The following FBXO31 variants were observed in gnomAD, a reference collection of about 807,000 sequenced individuals.
FBXO31 encodes the protein F-box only protein 31.
A neutral mutation model predicts 54.4 loss-of-function variants in FBXO31; 24 were observed. The ratio of observed to expected loss-of-function variants is 0.44; its 90% CI spans 0.32 to 0.62. The LOEUF (loss-of-function observed/expected upper bound fraction) is 0.62. Among genes scored for constraint, FBXO31 ranks in the 20% least tolerant of loss-of-function variants. FBXO31 has a pLI of 0.05. For synonymous variants in FBXO31, 388 were observed against 335.6 expected (o/e 1.16, Z -1.71); for missense variants, 665 against 787.1 (o/e 0.84, Z 1.86).
chr16:87,366,342 T>C (rs1306142730), intron 1 of FBXO31, among the ~76,000 whole-genome samples: 1 of 152,198 alleles, frequency 6.6e-6, no homozygotes. Flanking sequence ...TTTTAATAAA[T>C]CCTATAATAT....
intron 1 of FBXO31, among the ~76,000 whole-genome samples, chr16:87,373,820 G>A (rs1205834176): frequency 6.6e-6 from 1 of 152,158 alleles, no homozygotes; most frequent in South Asian, 2.1e-4. Context: ...AAAGAGAACA[G>A]AAATAGCACT....
intron 1 of FBXO31, among the ~76,000 whole-genome samples, chr16:87,365,716 T>C (rs1045645401): frequency 1.8e-4 from 27 of 152,336 alleles, no homozygotes; most frequent in Non-Finnish European, 5.9e-5. Flanking sequence ...TAGTTGACAA[T>C]GTATGAAACA....
At chr16:87,379,189 C>T (rs1410838314) in intron 1 of FBXO31, among the ~76,000 whole-genome samples, 5 of 152,168 alleles carry the variant, frequency 3.3e-5, no homozygotes, top group Middle Eastern at 3.4e-3. Context: ...CAATGGCATG[C>T]ATGATCTTGG....
At chr16:87,343,835 C>G in intron 3 of FBXO31, 70 bp from the exon 4 acceptor site, 2 of 1,545,306 alleles carry the variant, frequency 1.3e-6, no homozygotes, top group African/African-American at 1.4e-5. Flanking sequence ...CCGCACGGCT[C>G]CCCGCACTGC....
At chr16:87,363,092 A>T (rs1906205769) in intron 1 of FBXO31, among the ~76,000 whole-genome samples, 1 of 152,164 alleles carries the variant, frequency 6.6e-6, no homozygotes, top group African/African-American at 2.4e-5. Flanking sequence ...GCAGGTTAAA[A>T]ATAAAACAAA....
chr16:87,392,086 A>AG (rs144511190), upstream of FBXO31: 122 of 235,896 alleles, frequency 5.2e-4, no homozygotes, highest in African/African-American at 2.7e-3. Flanking sequence ...CCGTCACCTC[A>AG]GGGGCCTCAG....
In FBXO31 at chr16:87,343,629, C is replaced by A; in HGVS notation, c.626G>T (p.Gly209Val). ...RKAATVECMY[G>V]HKGPHHGHIQ... ...GTGGCCGTGGTGGGGCCCTTTGTGG[C>A]CGTACATGCACTCCACTGTGGCAGC... is the stretch of plus-strand genomic sequence containing the variant. Residue 209 changes from glycine (G) to valine (V), a missense_variant, in exon 4 of 9, where the codon GGC becomes GTC. Gly to Val is a moderately radical substitution (Grantham distance 109). Transcript: ENST00000311635. 6.2e-7 allele frequency: 1 copy of A among 1,612,812 alleles called. No individual in the cohort carries two copies. The highest frequency in any genetic ancestry group is 8.5e-7 in the Non-Finnish European group (1 of 1,179,514).
chr16:87,344,000 C>T (rs1349473614), intron 3 of FBXO31, among the ~76,000 whole-genome samples: 3 of 152,182 alleles, frequency 2.0e-5, no homozygotes, highest in Non-Finnish European at 2.9e-5. Flanking sequence ...GGTGAGGTGC[C>T]GACCAGACAG....
At chr16:87,340,719 A>G (rs2150672343) in intron 5 of FBXO31, among the ~76,000 whole-genome samples, 1 of 152,344 alleles carries the variant, frequency 6.6e-6, no homozygotes, top group East Asian at 1.9e-4. Context: ...GCACTTTGGG[A>G]GGCCAAGGCG....
upstream of FBXO31, among the ~76,000 whole-genome samples, chr16:87,386,685 C>T (rs913543086): frequency 1.3e-5 from 2 of 152,158 alleles, no homozygotes; most frequent in South Asian, 2.1e-4. Context: ...CCACCCACCT[C>T]GGCATCCCAA....
At chr16:87,369,606 G>C (rs980307480) in intron 1 of FBXO31, among the ~76,000 whole-genome samples, 13 of 152,156 alleles carry the variant, frequency 8.5e-5, no homozygotes, top group African/African-American at 3.1e-4. Context: ...TCCGCCTTTT[G>C]GCTACTGTGA....
intron 5 of FBXO31, 141 bp downstream of exon 5, chr16:87,342,736 G>A (rs1296228993): frequency 5.8e-6 from 4 of 686,856 alleles, no homozygotes; most frequent in Non-Finnish European, 9.5e-6. Flanking sequence ...GGTCTGCACT[G>A]ACAATACCGG....
intron 2 of FBXO31, among the ~76,000 whole-genome samples, chr16:87,349,625 C>T (rs1905552854): frequency 6.6e-6 from 1 of 152,006 alleles, no homozygotes; most frequent in Admixed American, 6.6e-5. Flanking sequence ...GCAGGAGAAT[C>T]ACTTGAACAG....
chr16:87,353,872 T>C (rs939289242), intron 2 of FBXO31, among the ~76,000 whole-genome samples: 1 of 152,230 alleles, frequency 6.6e-6, no homozygotes, highest in Non-Finnish European at 1.5e-5. Flanking sequence ...TCTGTTATTT[T>C]AGACCCTCTT....
At chr16:87,361,832 C>T (rs996543934) in intron 1 of FBXO31, among the ~76,000 whole-genome samples, 2 of 152,232 alleles carry the variant, frequency 1.3e-5, no homozygotes, top group African/African-American at 4.8e-5. Flanking sequence ...CTCTTTCCAG[C>T]GGGACCGTTC....
intron 1 of FBXO31, among the ~76,000 whole-genome samples, chr16:87,377,614 C>T (rs1418769275): frequency 6.6e-6 from 1 of 152,028 alleles, no homozygotes; most frequent in Admixed American, 6.6e-5. Flanking sequence ...TCACTTGAGG[C>T]CACGAGTTCA....
intron 1 of FBXO31, among the ~76,000 whole-genome samples, chr16:87,366,782 G>A (rs1358587512): frequency 6.6e-6 from 1 of 152,218 alleles, no homozygotes; most frequent in Admixed American, 6.5e-5. Context: ...GCCGGCTGCT[G>A]GGAGTGTGAC....
Position 87,330,717 on chromosome 16 carries a change from T to C in FBXO31, c.*571A>G, listed in dbSNP as rs1006969943. On this transcript the variant is annotated 3_prime_UTR_variant, in exon 9 of 9. Coordinates refer to ENST00000311635, the MANE Select transcript of FBXO31 (RefSeq NM_024735.5). ...AGCCGGTAGAGAAATGGGGATTCAC[T>C]CCAGAGTCCCGGCCCCAAGCCTGAG... 6 of 152,894 alleles carry C rather than the reference T, an allele frequency of 3.9e-5. No homozygotes were observed. The highest frequency in any genetic ancestry group is 1.4e-4 in the African/African-American group (6 of 41,418). 9.5% of individuals were successfully genotyped at this position (152,894 alleles called of 1,614,324 possible).
At chr16:87,337,593 G>A (rs1289333138) in intron 5 of FBXO31, among the ~76,000 whole-genome samples, 1 of 152,222 alleles carries the variant, frequency 6.6e-6, no homozygotes, top group East Asian at 1.9e-4. Flanking sequence ...GGCACCAACA[G>A]AGCCAGGAGC....
Sources: gnomAD v4.1 joint callset for allele counts (sites outside exome capture counted in the v4.1 genomes callset) on GRCh38, gnomAD v4.1.1 for gene constraint, MANE v1.5 for transcripts, NCBI Gene and HGNC (gene_info 2026-07-23, HGNC 2026-07-21) for gene names.